Variants in SEMA5A observed in about 807,000 individuals in gnomAD.
SEMA5A encodes the protein semaphorin 5A.
Under a neutral mutation model 135.5 loss-of-function variants are expected in SEMA5A, and 55 were observed. That is an observed-to-expected ratio of 0.41 (90% CI 0.33 to 0.51). The LOEUF (loss-of-function observed/expected upper bound fraction) is 0.51. SEMA5A is among the 20% of genes least tolerant of loss of function. The probability of loss-of-function intolerance (pLI) is 0.37; values close to 1 mark genes in which losing one functional copy is unlikely to be tolerated. For synonymous variants in SEMA5A, 580 were observed against 546.5 expected, an observed-to-expected ratio of 1.06 and a Z score of -0.85; for missense variants, 1,290 against 1,419.9, an observed-to-expected ratio of 0.91 and a Z score of 1.47.
intron 1 of SEMA5A, among the ~76,000 whole-genome samples, chr5:9,480,571 G>A (rs1354516154): frequency 6.6e-6 from 1 of 152,208 alleles, no homozygotes; most frequent in African/African-American, 2.4e-5. Context: ...AATACGCCAT[G>A]TCTATTCTTC....
intron 3 of SEMA5A, among the ~76,000 whole-genome samples, chr5:9,357,764 T>C (rs530042526): frequency 1.3e-5 from 2 of 152,266 alleles, no homozygotes; most frequent in South Asian, 4.1e-4. Flanking sequence ...GAGTGAGCAC[T>C]CCAAAGCCCC....
chr5:9,252,608 G>A (rs1348937224), intron 5 of SEMA5A, among the ~76,000 whole-genome samples: 3 of 152,156 alleles, frequency 2.0e-5, no homozygotes, highest in African/African-American at 7.2e-5. Context: ...ATCCCATGGA[G>A]ACATTATGCA....
chr5:9,189,457 T>C (rs1317635864), intron 11 of SEMA5A, among the ~76,000 whole-genome samples: 1 of 111,822 alleles, frequency 8.9e-6, no homozygotes, highest in East Asian at 3.3e-4. Flanking sequence ...AATTGAGAGG[T>C]TCTTAGAAGA....
At chr5:9,514,475 T>C (rs1042174598) in intron 1 of SEMA5A, among the ~76,000 whole-genome samples, 1 of 152,158 alleles carries the variant, frequency 6.6e-6, no homozygotes, top group Non-Finnish European at 1.5e-5. Context: ...GAGGGATTGG[T>C]TCCAAGACCC....
chr5:9,054,573 T>C lies in SEMA5A; in HGVS notation c.2519-316A>G, dbSNP rs567139554. Among the ~76,000 whole-genome samples, 3 of 152,224 alleles carry C rather than the reference T, an allele frequency of 2.0e-5. No individual in the cohort carries two copies. In the East Asian group the frequency reaches 5.8e-4, roughly 29 times the overall value. ...TCTAAGTACAAACATGACAGCAGAG[T>C]GCACGAGCTGTCATAGTAATTCCAG... On this transcript the variant is annotated intron_variant, in intron 18 of 22. Transcript: ENST00000382496.
intron 11 of SEMA5A, among the ~76,000 whole-genome samples, chr5:9,157,178 A>G (rs1806102): frequency 0.55 from 83,823 of 152,068 alleles, 25,841 homozygotes; most frequent in Middle Eastern, 0.77. Context: ...TAGCACACAA[A>G]GACCCTTCCT....
At chr5:9,395,036 A>G (rs1756328171) in intron 2 of SEMA5A, among the ~76,000 whole-genome samples, 1 of 152,190 alleles carries the variant, frequency 6.6e-6, no homozygotes, top group South Asian at 2.1e-4. Context: ...ATTTTTAAAA[A>G]TATAATTCTA....
intron 4 of SEMA5A, among the ~76,000 whole-genome samples, chr5:9,323,398 T>C (rs1018631582): frequency 2.6e-5 from 4 of 152,130 alleles, no homozygotes; most frequent in Admixed American, 1.3e-4. Flanking sequence ...TCTCAACATA[T>C]AAAATAGATA....
At chr5:9,326,574 G>A (rs1181644725) in intron 4 of SEMA5A, among the ~76,000 whole-genome samples, 1 of 151,682 alleles carries the variant, frequency 6.6e-6, no homozygotes, top group African/African-American at 2.4e-5. Context: ...GAGGTCAGTA[G>A]TTCGAGACTA....
At chr5:9,385,701 G>A (rs40725) in intron 2 of SEMA5A, among the ~76,000 whole-genome samples, 13,212 of 151,850 alleles carry the variant, frequency 0.087, 663 homozygotes, top group East Asian at 0.13. Flanking sequence ...AGCGATTGCT[G>A]CATGTGTGTC....
chr5:9,305,652 C>T (rs978185207), intron 5 of SEMA5A, among the ~76,000 whole-genome samples: 1 of 151,214 alleles, frequency 6.6e-6, no homozygotes, highest in Non-Finnish European at 1.5e-5. Context: ...GAAACACCAA[C>T]ACCGGGGAGA....
intron 1 of SEMA5A, among the ~76,000 whole-genome samples, chr5:9,452,806 C>T (rs558365827): frequency 6.6e-6 from 1 of 152,248 alleles, no homozygotes; most frequent in African/African-American, 2.4e-5. Flanking sequence ...CCTCCAGGTC[C>T]ATGCAGAAGC....
chr5:9,253,675 T>G (rs1430013036), intron 5 of SEMA5A, among the ~76,000 whole-genome samples: 4 of 152,178 alleles, frequency 2.6e-5, no homozygotes, highest in African/African-American at 9.7e-5. Context: ...TGTTTCGTTA[T>G]CCAATTTTAA....
rs1735984456 is a variant in SEMA5A, at chr5:9,041,858, A to T, written c.*1039T>A. ...CTGATTGCCACACATTGGGTATATC[A>T]GAGAGATGAAAAATAAAATGATTAT... On this transcript the variant is annotated 3_prime_UTR_variant, in exon 23 of 23. Coordinates refer to ENST00000382496, the MANE Select transcript of SEMA5A (RefSeq NM_003966.3). The T allele has an allele frequency of 6.5e-6, 1 of 152,672 alleles. No individual in the cohort carries two copies. The highest frequency in any genetic ancestry group is 1.5e-5 in the Non-Finnish European group (1 of 68,048). 9.5% of individuals were successfully genotyped at this position (152,672 alleles called of 1,614,324 possible). A position where few individuals can be genotyped will look rare whatever the true frequency, so the allele number is the denominator to read the frequency against.
intron 11 of SEMA5A, among the ~76,000 whole-genome samples, chr5:9,180,982 ATACTCCTCTG>A (rs765598088): frequency 5.9e-5 from 9 of 152,182 alleles, no homozygotes; most frequent in Non-Finnish European, 1.3e-4. Context: ...CCATAAAAAG[ATACTCCTCTG>A]TACTTAAAAT....
chr5:9,117,841 G>A (rs1740605517), intron 15 of SEMA5A, among the ~76,000 whole-genome samples: 1 of 152,026 alleles, frequency 6.6e-6, no homozygotes, highest in African/African-American at 2.4e-5. Context: ...CTTATCAACT[G>A]GTGTTAGAAA....
At chr5:9,264,997 A>T (rs893029835) in intron 5 of SEMA5A, among the ~76,000 whole-genome samples, 2 of 152,084 alleles carry the variant, frequency 1.3e-5, no homozygotes, top group African/African-American at 4.8e-5. Flanking sequence ...TTTGATCTGA[A>T]ATTCCTTCTA....
At chr5:9,437,165 A>C (rs1226575089) in intron 2 of SEMA5A, among the ~76,000 whole-genome samples, 1 of 152,180 alleles carries the variant, frequency 6.6e-6, no homozygotes, top group Non-Finnish European at 1.5e-5. Context: ...ACTGCAGGAG[A>C]CAAAACTGAA....
intron 4 of SEMA5A, among the ~76,000 whole-genome samples, chr5:9,330,283 G>A (rs917666462): frequency 1.3e-5 from 2 of 151,794 alleles, no homozygotes; most frequent in African/African-American, 2.4e-5. Context: ...CCAGCTACTC[G>A]GGAGGCTGAG....
Sources: gnomAD v4.1 joint callset for allele counts (sites outside exome capture counted in the v4.1 genomes callset) on GRCh38, gnomAD v4.1.1 for gene constraint, MANE v1.5 for transcripts, NCBI Gene and HGNC (gene_info 2026-07-23, HGNC 2026-07-21) for gene names.